The following PRKN variants were observed in gnomAD, a reference collection of about 807,000 sequenced individuals.
PRKN encodes the protein E3 ubiquitin-protein ligase parkin.
A neutral mutation model predicts 59.5 loss-of-function variants in PRKN; 56 were observed. That is an observed-to-expected ratio of 0.94 (90% CI 0.76 to 1.18). The LOEUF (loss-of-function observed/expected upper bound fraction) is 1.18, where lower values mean the gene tolerates loss of function less well. PRKN is among the 50% of genes most tolerant of loss of function. PRKN has a pLI of 0.00. For synonymous variants in PRKN, 250 were observed against 222.1 expected (o/e 1.13, Z -1.12); for missense variants, 657 against 596.4 (o/e 1.10, Z -1.06).
At chr6:162,140,124 G>T (rs1781714137) in intron 4 of PRKN, among the ~76,000 whole-genome samples, 1 of 152,136 alleles carries the variant, frequency 6.6e-6, no homozygotes, top group African/African-American at 2.4e-5. Context: ...TAAAAGCATT[G>T]TCCTTGATAA....
intron 7 of PRKN, among the ~76,000 whole-genome samples, chr6:161,674,617 C>T (rs190511483): frequency 6.6e-6 from 1 of 152,242 alleles, no homozygotes; most frequent in African/African-American, 2.4e-5. Context: ...ATGGATATTA[C>T]ATGCGTAATT....
intron 2 of PRKN, chr6:162,269,998 G>C (rs1048181571): frequency 6.6e-6 from 1 of 152,154 alleles, no homozygotes; most frequent in Admixed American, 6.5e-5. Context: ...ACTACCATTT[G>C]ATCCAGAAAT....
intron 4 of PRKN, among the ~76,000 whole-genome samples, chr6:162,133,064 T>C (rs560704145): frequency 6.6e-6 from 1 of 152,096 alleles, no homozygotes; most frequent in Non-Finnish European, 1.5e-5. Flanking sequence ...ACAGTGGACT[T>C]AGGGTTTTAC....
At chr6:162,604,671 C>G (rs1032434858) in intron 1 of PRKN, among the ~76,000 whole-genome samples, 1 of 151,532 alleles carries the variant, frequency 6.6e-6, no homozygotes, top group Non-Finnish European at 1.5e-5. Context: ...AGCCTTTTCC[C>G]CACAGGCCCT....
Position 161,532,050 on chromosome 6 carries a change from C to T in PRKN, c.1083+16804G>A, listed in dbSNP as rs186789605. Among the ~76,000 whole-genome samples, 198 of 152,032 alleles carry T rather than the reference C, an allele frequency of 1.3e-3. 1 individual carries two copies. Among genetic ancestry groups the T allele is most frequent in the Non-Finnish European group, 2.4e-3 (160 of 67,978 alleles). On this transcript the variant is annotated intron_variant, in intron 9 of 11. Transcript: ENST00000366898. ...CAAATCTTCACCATCCTACTCTTCC[C>T]TGAAACAAAAAACTAATTTCAATTT...
intron 9 of PRKN, among the ~76,000 whole-genome samples, chr6:161,517,191 T>C (rs1331229722): frequency 1.3e-5 from 2 of 152,068 alleles, no homozygotes; most frequent in Middle Eastern, 3.2e-3. Flanking sequence ...CAATCACGAG[T>C]TCATGATTGA....
intron 6 of PRKN, among the ~76,000 whole-genome samples, chr6:161,807,666 GT>G (rs1791392043): frequency 6.6e-6 from 1 of 152,096 alleles, no homozygotes; most frequent in African/African-American, 2.4e-5. Flanking sequence ...CTCTGCCTCT[GT>G]CCCCCAGGGG....
At chr6:162,528,076 C>CGGTG in intron 1 of PRKN, among the ~76,000 whole-genome samples, 1 of 22,068 alleles carries the variant, frequency 4.5e-5, no homozygotes, top group Admixed American at 4.7e-4. Context: ...GGCGGGGGGG[C>CGGTG]GGGAGGGGTG....
In PRKN at chr6:161,561,009, G is replaced by A. The variant is rs1042926301; in HGVS notation, c.933+8346C>T. 3.9e-5 allele frequency among the ~76,000 whole-genome samples: 6 copies of A among 152,130 alleles called. No individual in the cohort carries two copies. The South Asian group carries it at 8.3e-4, about 21-fold the overall frequency. ...GCCCTGCAGCTGGACACAATGGCAC[G>A]ATGACTTTCTCTTAAATAATGGACC... On this transcript the variant is annotated intron_variant, in intron 8 of 11. Transcript: ENST00000366898. This position sits in a 1 kb window ranked among gnomAD's most constrained non-coding sequence, Gnocchi z 5.0.
chr6:161,604,970 A>G (rs1226446112), intron 7 of PRKN, among the ~76,000 whole-genome samples: 1 of 152,188 alleles, frequency 6.6e-6, no homozygotes, highest in Admixed American at 6.5e-5. Flanking sequence ...CTTAAGAGAC[A>G]CCATAAAGGG....
At chr6:162,630,942 TG>T (rs1239685937) in intron 1 of PRKN, among the ~76,000 whole-genome samples, 1 of 152,168 alleles carries the variant, frequency 6.6e-6, no homozygotes, top group Non-Finnish European at 1.5e-5. Context: ...TAGAACCATT[TG>T]CCCACAGATC....
intron 1 of PRKN, among the ~76,000 whole-genome samples, chr6:162,527,868 T>G (rs921625444): frequency 6.6e-6 from 1 of 151,554 alleles, no homozygotes; most frequent in African/African-American, 2.4e-5. Context: ...TTAAGCCACC[T>G]GCCCAAGGCC....
At position 162,443,297 on chromosome 6, in the gene PRKN, A is replaced by G; in HGVS notation, c.171+13T>C. 6.2e-7 allele frequency: 1 copy of G among 1,612,164 alleles called. No homozygotes were observed. The highest frequency in any genetic ancestry group is 8.5e-7 in the Non-Finnish European group (1 of 1,179,968). ...TGGCGGCATCCCAAGAACGGCCGCC[A>G]AGGGAGACTCACCTGCACAGTCCAG... is the stretch of plus-strand genomic sequence containing the variant. On this transcript the variant is annotated intron_variant, in intron 2 of 11. Coordinates refer to ENST00000366898, the MANE Select transcript of PRKN (RefSeq NM_004562.3).
chr6:161,715,881 C>T (rs1786953621), intron 7 of PRKN, among the ~76,000 whole-genome samples: 1 of 152,190 alleles, frequency 6.6e-6, no homozygotes, highest in Non-Finnish European at 1.5e-5. Context: ...AGCAGTAGCT[C>T]TCAGGGACTC....
At chr6:161,912,871 AT>A (rs1164624187) in intron 6 of PRKN, among the ~76,000 whole-genome samples, 7 of 152,204 alleles carry the variant, frequency 4.6e-5, no homozygotes, top group South Asian at 2.1e-4. Flanking sequence ...GTAATATGTT[AT>A]TTTGTTTTAA....
At chr6:161,789,070 T>A (rs1790539104) in intron 6 of PRKN, among the ~76,000 whole-genome samples, 1 of 152,194 alleles carries the variant, frequency 6.6e-6, no homozygotes, top group African/African-American at 2.4e-5. Flanking sequence ...TCACCTGGAA[T>A]TCTTGATACA....
In PRKN at chr6:162,056,552, A is replaced by G. The variant is rs1329065358; in HGVS notation, c.535-2378T>C. Reference sequence around the variant, plus strand: ...ATTAATCCAAAGGCCACCGCTTAATATGGAGGTAAATTTGCAGAAGAGTTC... The same window carrying G: ...ATTAATCCAAAGGCCACCGCTTAATGTGGAGGTAAATTTGCAGAAGAGTTC... On this transcript the variant is annotated intron_variant, in intron 4 of 11. Transcript: ENST00000366898. The surrounding 1 kb of genome is among the most constrained non-coding windows in gnomAD (Gnocchi z 4.9). Among the ~76,000 whole-genome samples, 1 of 152,148 alleles carries G rather than the reference A, an allele frequency of 6.6e-6. No individual in the cohort carries two copies. The highest frequency in any genetic ancestry group is 1.5e-5 in the Non-Finnish European group (1 of 68,026).
intron 9 of PRKN, among the ~76,000 whole-genome samples, chr6:161,485,818 T>C (rs1472544289): frequency 1.3e-5 from 2 of 151,758 alleles, no homozygotes; most frequent in African/African-American, 4.8e-5. Flanking sequence ...TATATATTGC[T>C]TTATATTGAA....
intron 1 of PRKN, among the ~76,000 whole-genome samples, chr6:162,575,402 G>C (rs1780517510): frequency 6.6e-6 from 1 of 152,138 alleles, no homozygotes; most frequent in Non-Finnish European, 1.5e-5. Context: ...GCTCTCACTT[G>C]TGAATTCCTG....
Sources: gnomAD v4.1 joint callset for allele counts (sites outside exome capture counted in the v4.1 genomes callset) on GRCh38, gnomAD v4.1.1 for gene constraint, Gnocchi (gnomAD v3.1) non-coding constraint, MANE v1.5 for transcripts, NCBI Gene and HGNC (gene_info 2026-07-23, HGNC 2026-07-21) for gene names.